The following RDH13 variants were observed in gnomAD, a reference collection of about 807,000 sequenced individuals.
RDH13 encodes retinol dehydrogenase 13 (all-trans and 9-cis).
In RDH13, 35 loss-of-function variants were observed where a neutral mutation model predicts 28.3. The ratio of observed to expected loss-of-function variants is 1.24; its 90% CI spans 0.95 to 1.64. The LOEUF is 1.64. RDH13 is among the 40% of genes most tolerant of loss of function. The pLI is 0.00. For missense variants in RDH13, 514 were observed against 446.3 expected (o/e 1.15, Z -1.37); for synonymous variants, 229 against 198.5 (o/e 1.15, Z -1.29).
At chr19:55,045,365 GC>G in intron 6 of RDH13, 56 bp from the exon 7 acceptor site, 1 of 1,418,300 alleles carries the variant, frequency 7.1e-7, no homozygotes, top group Non-Finnish European at 9.7e-7. Flanking sequence ...AAGGAAGGAA[GC>G]CCCGCTCCCC....
chr19:55,040,671 A>G (rs370315793), downstream of RDH13: 7 of 152,396 alleles, frequency 4.6e-5, no homozygotes, highest in East Asian at 1.9e-4. Context: ...TGTTAATAAA[A>G]GTAGTTATAA....
At chr19:55,052,692 C>G (rs2075488774) in intron 3 of RDH13, among the ~76,000 whole-genome samples, 1 of 149,798 alleles carries the variant, frequency 6.7e-6, no homozygotes, top group Admixed American at 6.6e-5. Flanking sequence ...GATGGAGTCT[C>G]ACTCTGTCAC....
chr19:55,040,137 T>C (rs1215600509), downstream of RDH13, among the ~76,000 whole-genome samples: 2 of 152,192 alleles, frequency 1.3e-5, no homozygotes, highest in South Asian at 2.1e-4. Context: ...AATGTATTTA[T>C]ATTTAATGCC....
upstream of RDH13, among the ~76,000 whole-genome samples, chr19:55,064,742 A>G (rs200097120): frequency 6.8e-6 from 1 of 147,100 alleles, no homozygotes; most frequent in Non-Finnish European, 1.5e-5. Flanking sequence ...CCTCCCGAGT[A>G]GCTGGGGCTA....
intron 3 of RDH13, among the ~76,000 whole-genome samples, chr19:55,053,460 C>T (rs369770927): frequency 2.0e-5 from 3 of 151,704 alleles, no homozygotes; most frequent in East Asian, 1.9e-4. Flanking sequence ...TCGAGACCAT[C>T]CTGGCTAACA....
At chr19:55,052,588 G>T (rs1219232081) in intron 3 of RDH13, among the ~76,000 whole-genome samples, 1 of 150,222 alleles carries the variant, frequency 6.7e-6, no homozygotes, top group Non-Finnish European at 1.5e-5. Context: ...AACCTCCCAG[G>T]CTCAAGCAAT....
In RDH13 at chr19:55,048,714, G is replaced by A; in HGVS notation, c.390C>T (p.Cys130=). The change falls in exon 4 of 7, where the codon TGC becomes TGT. Residue 130 remains cysteine (C), a synonymous_variant. Transcript: ENST00000415061. ...AGCCGTCCTCGGTGGTCCAGTGGGG[G>A]CACCGCATCACACCCGCGTTGTTGA... ...ILINNAGVMR[C]PHWTTEDGFE... 6.2e-7 allele frequency: 1 copy of A among 1,613,544 alleles called. No homozygotes were observed. Among genetic ancestry groups the A allele is most frequent in the Non-Finnish European group, 8.5e-7 (1 of 1,179,930 alleles).
chr19:55,058,972 C>T (rs1258494675), intron 2 of RDH13, among the ~76,000 whole-genome samples, 185 bp downstream of exon 2: 2 of 152,224 alleles, frequency 1.3e-5, no homozygotes, highest in Non-Finnish European at 2.9e-5. Context: ...CCACCGCGCC[C>T]GGCCAGAATG....
At chr19:55,052,787 A>T (rs541290959) in intron 3 of RDH13, among the ~76,000 whole-genome samples, 1 of 151,080 alleles carries the variant, frequency 6.6e-6, no homozygotes, top group African/African-American at 2.4e-5. Flanking sequence ...TCAGCCTCCC[A>T]AGTAGCTGGG....
At chr19:55,055,433 C>T (rs1031880472) in intron 3 of RDH13, among the ~76,000 whole-genome samples, 1 of 151,990 alleles carries the variant, frequency 6.6e-6, no homozygotes, top group Non-Finnish European at 1.5e-5. Flanking sequence ...GATTAACAGG[C>T]GTGAGCCACT....
At chr19:55,064,706 A>ACGG (rs2075917316), upstream of RDH13, among the ~76,000 whole-genome samples, 5 of 148,762 alleles carry the variant, frequency 3.4e-5, no homozygotes, top group South Asian at 2.2e-4. Context: ...TCTGCCTCCT[A>ACGG]GGTTCAAGCG....
rs776230790 is a variant in RDH13 at position 55,045,035 on chromosome 19, C to T, written c.*39G>A. 2.8e-5 allele frequency: 41 copies of T among 1,462,038 alleles called. No homozygotes were observed. Among genetic ancestry groups the T allele is most frequent in the Admixed American group, 8.0e-5 (4 of 50,050 alleles). The allele number at this position is 1,462,038 out of a possible 1,614,324, so 90.6% of individuals were successfully genotyped here. A position where few individuals can be genotyped will look rare whatever the true frequency, so the allele number is the denominator to read the frequency against. Reference sequence around the variant, plus strand: ...GGCATGGCGGACAGCTGTCCTCGGTCTGGAGGCGCCATCCTGGCTTTCAAA... The same window carrying T: ...GGCATGGCGGACAGCTGTCCTCGGTTTGGAGGCGCCATCCTGGCTTTCAAA... On this transcript the variant is annotated 3_prime_UTR_variant, in exon 7 of 7. Coordinates refer to ENST00000415061, the MANE Select transcript of RDH13 (RefSeq NM_001145971.2).
Position 55,048,653 on chromosome 19 carries a change from C to T in RDH13, c.445+6G>A, listed in dbSNP as rs761855099. The T allele has an allele frequency of 1.4e-5, 22 of 1,613,688 alleles. No homozygotes were observed. The highest frequency in any genetic ancestry group is 1.9e-5 in the Non-Finnish European group (22 of 1,179,804). On this transcript the variant is annotated splice_donor_region_variant and intron_variant, in intron 4 of 6. Coordinates refer to ENST00000415061, the MANE Select transcript of RDH13 (RefSeq NM_001145971.2). ...ACCCATGGTGCAGCCCCTGCCCAGG[C>T]CTCACCCAGGTGGTTAACGCCAAAC... is the stretch of plus-strand genomic sequence containing the variant.
At chr19:55,062,870 C>G in intron 1 of RDH13, 98 bp downstream of exon 1, 1 of 1,109,376 alleles carries the variant, frequency 9.0e-7, no homozygotes, top group Non-Finnish European at 1.2e-6. Flanking sequence ...GCTACGGGGC[C>G]TGGACCCGGG....
intron 3 of RDH13, among the ~76,000 whole-genome samples, chr19:55,050,305 C>T (rs908585642): frequency 2.6e-5 from 4 of 151,988 alleles, no homozygotes; most frequent in Admixed American, 6.6e-5. Flanking sequence ...TTAGTAGAGA[C>T]GGGGCTTCAC....
At chr19:55,047,243 C>T in intron 6 of RDH13, 144 bp downstream of exon 6, 1 of 1,442,386 alleles carries the variant, frequency 6.9e-7, no homozygotes, top group Non-Finnish European at 9.1e-7. Flanking sequence ...GGAAAGGGAC[C>T]TGTGCTCTGT....
In RDH13 at chr19:55,048,406, T is replaced by C. The variant is rs749780750; in HGVS notation, c.581A>G (p.Tyr194Cys). 2.5e-5 allele frequency: 41 copies of C among 1,614,072 alleles called. No homozygotes were observed. The highest frequency in any genetic ancestry group is 3.2e-5 in the Non-Finnish European group (38 of 1,180,054). The change falls in exon 5 of 7, where the codon TAT becomes TGT. Residue 194 changes from tyrosine (Y) to cysteine (C), a missense_variant. By Grantham distance (194) the Tyr-to-Cys change is radical (BLOSUM62 -2). Transcript: ENST00000415061. Reference sequence around the variant, plus strand: ...CTGGCAGTAGGCGGCTTTGGTGTTATACTTCCTCGTCTGCCAGTTCAAGTC... The same window carrying C: ...CTGGCAGTAGGCGGCTTTGGTGTTACACTTCCTCGTCTGCCAGTTCAAGTC... Reference protein sequence around the residue: ...FDDLNWQTRKYNTKAAYCQSK... With the variant: ...FDDLNWQTRKCNTKAAYCQSK...
intron 2 of RDH13, among the ~76,000 whole-genome samples, chr19:55,057,603 AT>A (rs1279492153): frequency 1.3e-5 from 2 of 151,288 alleles, no homozygotes; most frequent in Admixed American, 1.3e-4. Flanking sequence ...CTAATTTTTT[AT>A]TTTTTTATTT....
In RDH13 at chr19:55,045,258, C is replaced by T; in HGVS notation, c.812G>A (p.Ser271Asn). Reference sequence around the variant, plus strand: ...TTCCTCCGCCACGGCCAGGTATGTGCTGGGCTGGGCGGCCAGCTCGGGGCT... The same window carrying T: ...TTCCTCCGCCACGGCCAGGTATGTGTTGGGCTGGGCGGCCAGCTCGGGGCT... ...VKSPELAAQP[S>N]TYLAVAEELA... The change falls in exon 7 of 7, where the codon AGC becomes AAC. Residue 271 changes from serine to asparagine, a missense_variant. Physicochemically the swap from Ser to Asn is conservative, Grantham distance 46. Transcript: ENST00000415061. 1 of 1,613,232 alleles carries T rather than the reference C, an allele frequency of 6.2e-7. No individual in the cohort carries two copies. Among genetic ancestry groups the T allele is most frequent in the Non-Finnish European group, 8.5e-7 (1 of 1,180,006 alleles).
Sources: gnomAD v4.1 joint callset for allele counts (sites outside exome capture counted in the v4.1 genomes callset) on GRCh38, gnomAD v4.1.1 for gene constraint, MANE v1.5 for transcripts, NCBI Gene and HGNC (gene_info 2026-07-23, HGNC 2026-07-21) for gene names.